The following NKAIN2 variants were observed in gnomAD, a reference collection of about 807,000 sequenced individuals.
The protein encoded by NKAIN2 is sodium/potassium-transporting ATPase subunit beta-1-interacting protein 2.
In NKAIN2, 14 loss-of-function variants were observed where a neutral mutation model predicts 32.6. That is an observed-to-expected ratio of 0.43 (90% CI 0.28 to 0.67). The LOEUF (loss-of-function observed/expected upper bound fraction) is 0.67, where lower values mean the gene tolerates loss of function less well. Ranked by LOEUF, NKAIN2 falls within the 30% of genes least tolerant of loss-of-function variation. The pLI, the probability that NKAIN2 is intolerant of heterozygous loss-of-function variation, is 0.17. For missense variants in NKAIN2, 198 were observed against 258.3 expected (o/e 0.77, Z 1.60); for synonymous variants, 80 against 87.2 (o/e 0.92, Z 0.46).
chr6:124,636,797 T>C (rs1783788598), intron 3 of NKAIN2, among the ~76,000 whole-genome samples: 1 of 152,032 alleles, frequency 6.6e-6, no homozygotes, highest in African/African-American at 2.4e-5. Flanking sequence ...GCTTCACTGC[T>C]GAATTCTACC....
At chr6:124,734,987 T>C (rs754705321) in intron 4 of NKAIN2, among the ~76,000 whole-genome samples, 3 of 151,936 alleles carry the variant, frequency 2.0e-5, no homozygotes, top group Non-Finnish European at 4.4e-5. Context: ...TCTACTGCTC[T>C]AGAAAGGTTA....
At chr6:124,523,150 AAAAAAG>A (rs2114801750) in intron 3 of NKAIN2, among the ~76,000 whole-genome samples, 1 of 27,736 alleles carries the variant, frequency 3.6e-5, no homozygotes, top group East Asian at 0.031. Context: ...CTCAAAAAAA[AAAAAAG>A]AAAAAAGATC....
intron 1 of NKAIN2, among the ~76,000 whole-genome samples, chr6:123,832,199 C>G (rs573156617): frequency 9.0e-4 from 137 of 152,308 alleles, no homozygotes; most frequent in African/African-American, 3.1e-3. Context: ...TTTCCTTTTC[C>G]AGATATCATA....
At chr6:124,325,224 T>A (rs1228609599) in intron 2 of NKAIN2, among the ~76,000 whole-genome samples, 1 of 152,120 alleles carries the variant, frequency 6.6e-6, no homozygotes, top group Non-Finnish European at 1.5e-5. Flanking sequence ...TCAATGTAGA[T>A]TTAACACTGA....
At chr6:124,045,667 A>C (rs576509100) in intron 1 of NKAIN2, among the ~76,000 whole-genome samples, 3 of 151,904 alleles carry the variant, frequency 2.0e-5, no homozygotes, top group African/African-American at 7.2e-5. Flanking sequence ...AATGAAACTA[A>C]ATGGTGATTC....
intron 1 of NKAIN2, among the ~76,000 whole-genome samples, chr6:123,903,497 A>G (rs1774704116): frequency 6.6e-6 from 1 of 152,200 alleles, no homozygotes; most frequent in Admixed American, 6.5e-5. Context: ...TCAAGTAGAT[A>G]GGAATGGCCC....
At position 123,819,176 on chromosome 6, in the gene NKAIN2, C is replaced by T. The variant is rs79894671; in HGVS notation, c.54+14922C>T. On this transcript the variant is annotated intron_variant, in intron 1 of 6. Transcript: ENST00000368417. ...TGGATGTGGTAGGTTTTCAACAGGT[C>T]TCGTTAATAGATAATCTGCAGTGCT... Among the ~76,000 whole-genome samples, 591 of 152,200 alleles carry T rather than the reference C, an allele frequency of 3.9e-3. 4 individuals carry two copies. The highest frequency in any genetic ancestry group is 0.016 in the East Asian group (84 of 5,158).
At chr6:124,282,334 T>C (rs1222744194) in intron 1 of NKAIN2, 1 of 309,818 alleles carries the variant, frequency 3.2e-6, no homozygotes, top group Non-Finnish European at 6.2e-6. Context: ...AATTTTCTTT[T>C]AGGGCCCTTC....
intron 4 of NKAIN2, among the ~76,000 whole-genome samples, chr6:124,755,480 G>C (rs1777921483): frequency 6.6e-6 from 1 of 152,098 alleles, no homozygotes; most frequent in Non-Finnish European, 1.5e-5. Context: ...GTCCAATCAA[G>C]TTGACATCTA....
chr6:123,823,879 G>T (rs936991221), intron 1 of NKAIN2, among the ~76,000 whole-genome samples: 1 of 152,050 alleles, frequency 6.6e-6, no homozygotes, highest in South Asian at 2.1e-4. Flanking sequence ...TGATAGGGTA[G>T]TTTCATTAGC....
chr6:124,441,563 G>A (rs912673796), intron 3 of NKAIN2, among the ~76,000 whole-genome samples: 4 of 152,012 alleles, frequency 2.6e-5, no homozygotes, highest in Non-Finnish European at 4.4e-5. Flanking sequence ...GGTCCACATG[G>A]AGGAGTTTAC....
chr6:124,583,217 TA>T (rs1171574240), intron 3 of NKAIN2, among the ~76,000 whole-genome samples: 10 of 102,276 alleles, frequency 9.8e-5, no homozygotes, highest in Non-Finnish European at 5.8e-5. Context: ...TGGTAAAACC[TA>T]AAGACTCCAC....
At chr6:124,352,921 T>G (rs1308323566) in intron 2 of NKAIN2, among the ~76,000 whole-genome samples, 1 of 152,124 alleles carries the variant, frequency 6.6e-6, no homozygotes, top group Non-Finnish European at 1.5e-5. Flanking sequence ...TGCCCTAACA[T>G]TATACTCTAT....
chr6:124,012,381 G>T (rs1280238551), intron 1 of NKAIN2, among the ~76,000 whole-genome samples: 4 of 148,002 alleles, frequency 2.7e-5, no homozygotes, highest in Non-Finnish European at 4.4e-5. Context: ...TCTCACCCAG[G>T]CTGGAGTTCA....
At chr6:123,846,838 A>G (rs1480652174) in intron 1 of NKAIN2, among the ~76,000 whole-genome samples, 1 of 67,378 alleles carries the variant, frequency 1.5e-5, no homozygotes, top group Non-Finnish European at 5.2e-5. Flanking sequence ...ACACACACGC[A>G]CGCGCGCACA....
chr6:124,590,240 G>A (rs1482358002), intron 3 of NKAIN2, among the ~76,000 whole-genome samples: 1 of 152,184 alleles, frequency 6.6e-6, no homozygotes, highest in African/African-American at 2.4e-5. Context: ...CTGCTACTGT[G>A]CTCAGAGGTG....
chr6:123,999,406 C>T (rs922025138), intron 1 of NKAIN2, among the ~76,000 whole-genome samples: 12 of 152,118 alleles, frequency 7.9e-5, no homozygotes, highest in African/African-American at 2.9e-4. Context: ...AGGAAATCCA[C>T]AGAGCTTTCA....
chr6:124,378,507 A>G (rs1394162534), intron 3 of NKAIN2, among the ~76,000 whole-genome samples: 1 of 152,188 alleles, frequency 6.6e-6, no homozygotes, highest in African/African-American at 2.4e-5. Context: ...GGCACAGGCC[A>G]GTTTCTCCTT....
intron 3 of NKAIN2, among the ~76,000 whole-genome samples, chr6:124,384,676 A>AT (rs746854364): frequency 0.024 from 3,657 of 152,212 alleles, 99 homozygotes; most frequent in Non-Finnish European, 0.034. Context: ...GCTGGAGTGC[A>AT]GTGGCATGAT....
Sources: gnomAD v4.1 joint callset for allele counts (sites outside exome capture counted in the v4.1 genomes callset) on GRCh38, gnomAD v4.1.1 for gene constraint, MANE v1.5 for transcripts, NCBI Gene and HGNC (gene_info 2026-07-23, HGNC 2026-07-21) for gene names.